LRMDA: variants seen among roughly 807,000 people sequenced by gnomAD.
The protein encoded by LRMDA is leucine-rich melanocyte differentiation-associated protein.
In LRMDA, 18 loss-of-function variants were observed where a neutral mutation model predicts 29.8. The ratio of observed to expected loss-of-function variants is 0.60; its 90% CI spans 0.42 to 0.90. The LOEUF (loss-of-function observed/expected upper bound fraction) is 0.90. LRMDA is among the 40% of genes least tolerant of loss of function. The probability of loss-of-function intolerance (pLI) is 0.00; values close to 1 mark genes in which losing one functional copy is unlikely to be tolerated. For missense variants in LRMDA, 273 were observed against 273.9 expected (o/e 1.00, Z 0.02); for synonymous variants, 125 against 109.4 (o/e 1.14, Z -0.89).
intron 5 of LRMDA, among the ~76,000 whole-genome samples, chr10:76,240,403 T>C (rs1265447): frequency 0.61 from 89,771 of 147,008 alleles, 27,199 homozygotes; most frequent in Middle Eastern, 0.66. Flanking sequence ...AATAAATATA[T>C]GTAATATATA....
intron 2 of LRMDA, among the ~76,000 whole-genome samples, chr10:75,607,687 G>A (rs892958188): frequency 2.0e-5 from 3 of 152,100 alleles, no homozygotes; most frequent in Admixed American, 6.5e-5. Flanking sequence ...TGTAACAACA[G>A]CACTGTCTTC....
intron 2 of LRMDA, among the ~76,000 whole-genome samples, chr10:75,565,166 A>T (rs1216433673): frequency 1.3e-5 from 2 of 152,084 alleles, no homozygotes; most frequent in Non-Finnish European, 2.9e-5. Context: ...TGCCGTCCTG[A>T]CTTGTCTCAG....
intron 2 of LRMDA, among the ~76,000 whole-genome samples, chr10:75,616,297 T>A: frequency 6.8e-6 from 1 of 147,054 alleles, no homozygotes; most frequent in African/African-American, 2.7e-5. Context: ...GTAGTAGTAG[T>A]GGTGGTGGTG....
intron 2 of LRMDA, among the ~76,000 whole-genome samples, chr10:75,453,202 CAGAG>C (rs565300477): frequency 2.0e-5 from 3 of 152,186 alleles, no homozygotes; most frequent in Admixed American, 6.5e-5. Flanking sequence ...CCTTCAGAGA[CAGAG>C]AGAGAAAATG....
chr10:75,609,233 T>C (rs1840997527), intron 2 of LRMDA, among the ~76,000 whole-genome samples: 1 of 152,108 alleles, frequency 6.6e-6, no homozygotes, highest in Admixed American at 6.6e-5. Flanking sequence ...GGAGGCTTGG[T>C]ATGAAGCTTT....
chr10:75,901,741 G>A (rs941464580), intron 2 of LRMDA, among the ~76,000 whole-genome samples: 1 of 152,142 alleles, frequency 6.6e-6, no homozygotes, highest in African/African-American at 2.4e-5. Context: ...GTGTGTTGCT[G>A]TAATGGTAAC....
At chr10:76,402,708 C>T (rs745860026) in intron 6 of LRMDA, among the ~76,000 whole-genome samples, 10 of 152,176 alleles carry the variant, frequency 6.6e-5, no homozygotes, top group Non-Finnish European at 1.5e-4. Context: ...CACAGCTTGC[C>T]TCTGGGCTTG....
intron 5 of LRMDA, among the ~76,000 whole-genome samples, chr10:76,207,889 G>A (rs1047898432): frequency 3.9e-5 from 6 of 152,014 alleles, no homozygotes; most frequent in East Asian, 1.9e-4. Flanking sequence ...ACTTGAACCC[G>A]GGAGGCAGAG....
chr10:76,065,515 A>G lies in LRMDA; in HGVS notation c.516+6732A>G, dbSNP rs547496215. 7.0e-4 allele frequency among the ~76,000 whole-genome samples: 107 copies of G among 152,290 alleles called. 1 individual carries two copies. The South Asian group carries it at 0.017, about 25-fold the overall frequency. ...GACCTCTGGCTTGCCCAGCTCCCCA[A>G]TGGCCCAGCTTCACCCTCTTCCTCT... On this transcript the variant is annotated intron_variant, in intron 5 of 6. Transcript: ENST00000611255.
chr10:75,910,763 G>C (rs572792775), intron 2 of LRMDA, among the ~76,000 whole-genome samples: 1 of 152,174 alleles, frequency 6.6e-6, no homozygotes, highest in Non-Finnish European at 1.5e-5. Context: ...GCCAGGCCAA[G>C]TTCATCAATC....
At chr10:75,614,274 C>G (rs772018248) in intron 2 of LRMDA, among the ~76,000 whole-genome samples, 4 of 152,062 alleles carry the variant, frequency 2.6e-5, no homozygotes, top group Non-Finnish European at 5.9e-5. Context: ...AATAAGCATC[C>G]AGAGCAGATA....
intron 6 of LRMDA, among the ~76,000 whole-genome samples, chr10:76,442,306 A>T (rs1564542974): frequency 6.6e-6 from 1 of 152,230 alleles, no homozygotes; most frequent in African/African-American, 2.4e-5. Flanking sequence ...AACACTTATC[A>T]TGTGGCTTTA....
intron 2 of LRMDA, among the ~76,000 whole-genome samples, chr10:75,583,591 A>G (rs1311586138): frequency 6.6e-6 from 1 of 152,158 alleles, no homozygotes; most frequent in East Asian, 1.9e-4. Context: ...AGTATTGGGG[A>G]TTACAATTCA....
chr10:75,631,055 T>C (rs1435755196), intron 2 of LRMDA, among the ~76,000 whole-genome samples: 1 of 152,220 alleles, frequency 6.6e-6, no homozygotes, highest in Non-Finnish European at 1.5e-5. Flanking sequence ...TGCTCCTTTC[T>C]TCTCCTGCCC....
chr10:76,526,311 C>A (rs1173412685), intron 6 of LRMDA, among the ~76,000 whole-genome samples: 1 of 152,172 alleles, frequency 6.6e-6, no homozygotes, highest in Non-Finnish European at 1.5e-5. Context: ...AGTAGGCACC[C>A]AGGTCCTTTC....
intron 5 of LRMDA, among the ~76,000 whole-genome samples, chr10:76,240,850 A>G (rs897410321): frequency 8.0e-5 from 12 of 149,494 alleles, no homozygotes; most frequent in Non-Finnish European, 1.2e-4. Context: ...ATGTGTGTAT[A>G]TATATATATA....
chr10:76,143,512 A>G (rs1309785756), intron 5 of LRMDA, among the ~76,000 whole-genome samples: 13 of 151,872 alleles, frequency 8.6e-5, no homozygotes, highest in Non-Finnish European at 1.2e-4. Context: ...GTCTGTTCAT[A>G]TCCTTTGCCC....
intron 2 of LRMDA, among the ~76,000 whole-genome samples, chr10:76,007,544 C>G (rs925987750): frequency 6.6e-6 from 1 of 152,194 alleles, no homozygotes; most frequent in African/African-American, 2.4e-5. Flanking sequence ...GTGCTGAAAG[C>G]CACCTGCCCT....
chr10:76,424,186 G>C (rs1319348594), intron 6 of LRMDA, among the ~76,000 whole-genome samples: 4 of 152,130 alleles, frequency 2.6e-5, no homozygotes, highest in African/African-American at 7.2e-5. Context: ...GCTCATATTT[G>C]AGAGTCTGAT....
Sources: gnomAD v4.1 joint callset for allele counts (sites outside exome capture counted in the v4.1 genomes callset) on GRCh38, gnomAD v4.1.1 for gene constraint, MANE v1.5 for transcripts, NCBI Gene and HGNC (gene_info 2026-07-23, HGNC 2026-07-21) for gene names.